Variants in EYA4 observed in about 807,000 individuals in gnomAD.
EYA4 encodes EYA transcriptional coactivator and phosphatase 4.
A neutral mutation model predicts 87.9 loss-of-function variants in EYA4; 31 were observed. That is an observed-to-expected ratio of 0.35 (90% CI 0.27 to 0.48). The LOEUF (loss-of-function observed/expected upper bound fraction) is 0.48. EYA4 is among the 20% of genes least tolerant of loss of function. The probability of loss-of-function intolerance (pLI) is 0.99; values close to 1 mark genes in which losing one functional copy is unlikely to be tolerated. For synonymous variants in EYA4, 263 were observed against 270.6 expected (o/e 0.97, Z 0.28); for missense variants, 678 against 761.4 (o/e 0.89, Z 1.29).
chr6:133,349,085 C>T (rs947392727), intron 2 of EYA4, among the ~76,000 whole-genome samples: 1 of 152,210 alleles, frequency 6.6e-6, no homozygotes, highest in East Asian at 1.9e-4. Flanking sequence ...TATGCACCTG[C>T]CTCAGGGCTT....
chr6:133,428,134 C>T (rs1267904193), intron 3 of EYA4, among the ~76,000 whole-genome samples: 1 of 151,934 alleles, frequency 6.6e-6, no homozygotes, highest in African/African-American at 2.4e-5. Flanking sequence ...TGGTTGTGGA[C>T]ATATGAAGTT....
At chr6:133,279,782 G>C (rs759460450) in intron 2 of EYA4, among the ~76,000 whole-genome samples, 1 of 152,048 alleles carries the variant, frequency 6.6e-6, no homozygotes, top group Non-Finnish European at 1.5e-5. Context: ...TCTTTAAAAC[G>C]TGTACTCCTC....
chr6:133,476,641 C>T (rs142656344), intron 11 of EYA4, among the ~76,000 whole-genome samples: 17 of 152,114 alleles, frequency 1.1e-4, no homozygotes, highest in East Asian at 1.9e-4. Flanking sequence ...TTCCTTTGTC[C>T]GTTTATCCAT....
At chr6:133,515,493 A>G (rs2128790441) in intron 17 of EYA4, 58 bp downstream of exon 17, 1 of 1,030,382 alleles carries the variant, frequency 9.7e-7, no homozygotes, top group East Asian at 2.4e-5. Context: ...TTCTAATTGT[A>G]CAACATAGAA....
chr6:133,434,037 C>T (rs1206181793), intron 3 of EYA4, among the ~76,000 whole-genome samples: 1 of 152,172 alleles, frequency 6.6e-6, no homozygotes, highest in African/African-American at 2.4e-5. Flanking sequence ...TTTTGGACCA[C>T]AACTGTGTGA....
chr6:133,336,403 T>G (rs996195895), intron 2 of EYA4, among the ~76,000 whole-genome samples: 2 of 152,116 alleles, frequency 1.3e-5, no homozygotes, highest in Non-Finnish European at 2.9e-5. Flanking sequence ...ACAAAGGAAG[T>G]GTTTCTACAA....
intron 3 of EYA4, among the ~76,000 whole-genome samples, chr6:133,392,927 G>C (rs1225857926): frequency 6.6e-6 from 1 of 152,150 alleles, no homozygotes; most frequent in Admixed American, 6.5e-5. Flanking sequence ...ACTGTTAGCT[G>C]CTTGAGTTAA....
intron 1 of EYA4, among the ~76,000 whole-genome samples, chr6:133,242,328 G>A (rs1286228145): frequency 6.6e-6 from 1 of 152,200 alleles, no homozygotes; most frequent in Non-Finnish European, 1.5e-5. Flanking sequence ...CTTTTCAACT[G>A]CGGCGATCCC....
At position 133,273,358 on chromosome 6, in the gene EYA4, G is replaced by A. The variant is rs550789345; in HGVS notation, c.-65-1358G>A. Among the ~76,000 whole-genome samples the A allele has an allele frequency of 2.0e-4, 30 of 152,012 alleles. No individual in the cohort carries two copies. In the South Asian group the frequency reaches 6.0e-3, roughly 31 times the overall value. On this transcript the variant is annotated intron_variant, in intron 1 of 19. Coordinates refer to ENST00000355286, the MANE Select transcript of EYA4 (RefSeq NM_004100.5). ...GCTGGCAGCTGATTAGATTGTGCCT[G>A]CCAGATTAAGGGTGGATCTGCCTTC...
intron 12 of EYA4, among the ~76,000 whole-genome samples, chr6:133,481,963 A>G (rs1230382181): frequency 1.3e-5 from 2 of 152,200 alleles, no homozygotes; most frequent in African/African-American, 4.8e-5. Flanking sequence ...AAGATGTCCA[A>G]ATGGGTCATT....
At position 133,409,434 on chromosome 6, in the gene EYA4, A is replaced by G. The variant is rs1295253624; in HGVS notation, c.83+26993A>G. On this transcript the variant is annotated intron_variant, in intron 3 of 19. Transcript: ENST00000355286. ...TATGCTAGGTGAATATGGCAGACGC[A>G]AAAAGAAAAATACTGCATGATCTCA... is the stretch of plus-strand genomic sequence containing the variant. Among the ~76,000 whole-genome samples the G allele has an allele frequency of 5.9e-5, 9 of 152,336 alleles. No homozygotes were observed. In the East Asian group the frequency reaches 1.7e-3, roughly 29 times the overall value.
intron 2 of EYA4, chr6:133,360,083 A>G (rs138441306): frequency 3.9e-5 from 6 of 152,346 alleles, no homozygotes; most frequent in African/African-American, 1.4e-4. Context: ...AAAGGAAAGA[A>G]GTAATACCTG....
chr6:133,483,268 T>C (rs1796380103), intron 13 of EYA4, among the ~76,000 whole-genome samples, 153 bp downstream of exon 13: 1 of 152,202 alleles, frequency 6.6e-6, no homozygotes, highest in Non-Finnish European at 1.5e-5. Context: ...CTTATAGTTC[T>C]TTAATATGAA....
intron 1 of EYA4, among the ~76,000 whole-genome samples, chr6:133,273,097 G>GTATATATATA: frequency 1.9e-5 from 2 of 106,652 alleles, no homozygotes; most frequent in African/African-American, 6.3e-5. Flanking sequence ...ATATATATAT[G>GTATATATATA]TATATATATA....
intron 3 of EYA4, among the ~76,000 whole-genome samples, chr6:133,428,008 C>T (rs1015247640): frequency 6.6e-6 from 1 of 151,950 alleles, no homozygotes; most frequent in African/African-American, 2.4e-5. Context: ...ACTTGGTGAA[C>T]GGTGTAAAAA....
intron 1 of EYA4, among the ~76,000 whole-genome samples, chr6:133,256,510 T>G (rs143970032): frequency 6.6e-6 from 1 of 152,128 alleles, no homozygotes; most frequent in African/African-American, 2.4e-5. Context: ...CGATAGCTTT[T>G]TAACATAGAG....
At position 133,529,809 on chromosome 6, in the gene EYA4, A is replaced by G. The variant is rs1290347913; in HGVS notation, c.*1004A>G. On this transcript the variant is annotated 3_prime_UTR_variant, in exon 20 of 20. Transcript: ENST00000355286. ...TGTAGAAGTCTCAAGTACCCCTTCT[A>G]CAGTTTTACTGGAGAAAACTAAGAG... The G allele has an allele frequency of 5.1e-6, 5 of 984,818 alleles. No homozygotes were observed. Among genetic ancestry groups the G allele is most frequent in the Admixed American group, 6.1e-5 (1 of 16,264 alleles). 61.0% of individuals were successfully genotyped at this position (984,818 alleles called of 1,614,324 possible).
intron 2 of EYA4, among the ~76,000 whole-genome samples, chr6:133,341,757 G>C (rs907875189): frequency 6.6e-6 from 1 of 151,994 alleles, no homozygotes; most frequent in Non-Finnish European, 1.5e-5. Flanking sequence ...ACCAACTATG[G>C]AGCTAATGGG....
rs374789368 is a variant in EYA4, at chr6:133,343,262, C to T, written c.34-39130C>T. ...AAGATATAATTCTTGCATGTGACTC[C>T]TCAACTGTATTTACCAGGATGACCC... On this transcript the variant is annotated intron_variant, in intron 2 of 19. Coordinates refer to ENST00000355286, the MANE Select transcript of EYA4 (RefSeq NM_004100.5). Among the ~76,000 whole-genome samples the T allele has an allele frequency of 5.3e-5, 8 of 152,254 alleles. 1 individual carries two copies. Among genetic ancestry groups the T allele is most frequent in the East Asian group, 3.9e-4 (2 of 5,180 alleles).
Sources: allele counts gnomAD v4.1 joint callset (sites outside exome capture counted in the v4.1 genomes callset), GRCh38; gene constraint gnomAD v4.1.1; transcripts MANE v1.5; gene names NCBI Gene and HGNC (gene_info 2026-07-23, HGNC 2026-07-21).